SLC16A9: variants seen among roughly 807,000 people sequenced by gnomAD.
The protein encoded by SLC16A9 is solute carrier family 16 member 9.
In SLC16A9, 26 loss-of-function variants were observed where a neutral mutation model predicts 44.3. The ratio of observed to expected loss-of-function variants is 0.59; its 90% CI spans 0.43 to 0.81. The LOEUF (loss-of-function observed/expected upper bound fraction) is 0.81, where lower values mean the gene tolerates loss of function less well. Ranked by LOEUF, SLC16A9 falls within the 40% of genes least tolerant of loss-of-function variation. The pLI is 0.00. For synonymous variants in SLC16A9, 230 were observed against 225.1 expected (o/e 1.02, Z -0.19); for missense variants, 559 against 595.8 (o/e 0.94, Z 0.64).
intron 2 of SLC16A9, among the ~76,000 whole-genome samples, chr10:59,678,546 C>CTTTTCTTTTTTTTTTT (rs1554870854): frequency 6.5e-5 from 2 of 30,620 alleles, no homozygotes; most frequent in Non-Finnish European, 1.4e-4. Context: ...TTTTCTTTTT[C>CTTTTCTTTTTTTTTTT]TTTTTTTTGA....
intron 1 of SLC16A9, among the ~76,000 whole-genome samples, chr10:59,687,988 A>T (rs1840171639): frequency 1.3e-5 from 2 of 151,516 alleles, no homozygotes; most frequent in African/African-American, 4.8e-5. Flanking sequence ...AAAAGGAAAG[A>T]AAAGAAAAGA....
At chr10:59,666,744 C>T (rs948586247) in intron 3 of SLC16A9, among the ~76,000 whole-genome samples, 2 of 152,008 alleles carry the variant, frequency 1.3e-5, no homozygotes, top group African/African-American at 4.8e-5. Context: ...TTATTTGAAA[C>T]AGTGTCTGAC....
chr10:59,670,638 G>A (rs1186381843), intron 3 of SLC16A9, among the ~76,000 whole-genome samples: 2 of 152,130 alleles, frequency 1.3e-5, no homozygotes, highest in Non-Finnish European at 2.9e-5. Flanking sequence ...ATTCTGCACA[G>A]AATTGCATCT....
rs1236147126 is a variant in SLC16A9 at position 59,693,853 on chromosome 10, G to A, written c.-36-9526C>T. On this transcript the variant is annotated intron_variant, in intron 1 of 5. Transcript: ENST00000395348. ...AGGATGGTCTTGATCTCCTGACCTC[G>A]TGATCCGCCTGCCTCTGCCTCCCAA... is the stretch of plus-strand genomic sequence containing the variant. Among the ~76,000 whole-genome samples, 6 of 151,488 alleles carry A rather than the reference G, an allele frequency of 4.0e-5. No individual in the cohort carries two copies. In the South Asian group the frequency reaches 6.2e-4, roughly 16 times the overall value.
intron 1 of SLC16A9, among the ~76,000 whole-genome samples, chr10:59,703,964 C>T (rs1451880310): frequency 6.6e-6 from 1 of 152,020 alleles, no homozygotes; most frequent in Non-Finnish European, 1.5e-5. Context: ...CCTCGTGATC[C>T]GCCCGCCTCT....
At chr10:59,657,192 T>C (rs1453732079) in intron 4 of SLC16A9, among the ~76,000 whole-genome samples, 1 of 152,226 alleles carries the variant, frequency 6.6e-6, no homozygotes, top group Non-Finnish European at 1.5e-5. Context: ...GTATTATGAA[T>C]ATTCTTCTTT....
At chr10:59,678,554 T>TTTTTTTTTTTTTTTTTTTTTTTTTAA (rs71006281) in intron 2 of SLC16A9, among the ~76,000 whole-genome samples, 1 of 68,890 alleles carries the variant, frequency 1.5e-5, no homozygotes. Flanking sequence ...TTCTTTTTTT[T>TTTTTTTTTTTTTTTTTTTTTTTTTAA]GAGACGGAGT....
intron 2 of SLC16A9, among the ~76,000 whole-genome samples, chr10:59,682,330 G>T (rs1840042670): frequency 6.6e-6 from 1 of 152,126 alleles, no homozygotes; most frequent in African/African-American, 2.4e-5. Context: ...CACTAAATTT[G>T]CACTGGGGCC....
chr10:59,697,421 C>A (rs1840419552), intron 1 of SLC16A9, among the ~76,000 whole-genome samples: 1 of 151,566 alleles, frequency 6.6e-6, no homozygotes, highest in Non-Finnish European at 1.5e-5. Flanking sequence ...TCCTGTTGAT[C>A]TGTGACCTTA....
chr10:59,662,949 T>C (rs1449951133), intron 4 of SLC16A9, among the ~76,000 whole-genome samples: 2 of 152,212 alleles, frequency 1.3e-5, no homozygotes, highest in Non-Finnish European at 2.9e-5. Context: ...CCAAGGATTA[T>C]AAATCATTCT....
intron 2 of SLC16A9, among the ~76,000 whole-genome samples, chr10:59,679,848 C>T (rs1839948864): frequency 6.6e-6 from 1 of 152,208 alleles, no homozygotes; most frequent in African/African-American, 2.4e-5. Flanking sequence ...ATGGACTTCC[C>T]TCTCCCTGTC....
At chr10:59,680,753 G>GGA (rs1014231693) in intron 2 of SLC16A9, among the ~76,000 whole-genome samples, 55 of 152,076 alleles carry the variant, frequency 3.6e-4, no homozygotes, top group African/African-American at 1.3e-3. Context: ...GGCTGAGGCA[G>GGA]GAGAATCCCT....
In SLC16A9 at chr10:59,651,254, G is replaced by A. The variant is rs1000298269; in HGVS notation, c.*1518C>T. On this transcript the variant is annotated 3_prime_UTR_variant, in exon 6 of 6. Transcript: ENST00000395348. ...GTGCTTCAGGCGCCTTCGAAGAAAG[G>A]CAACATACAAGTATAAAATAATCAT... The A allele has an allele frequency of 6.6e-6, 1 of 152,254 alleles. No homozygotes were observed. Among genetic ancestry groups the A allele is most frequent in the African/African-American group, 2.4e-5 (1 of 41,558 alleles). 9.4% of individuals were successfully genotyped at this position (152,254 alleles called of 1,614,324 possible).
intron 1 of SLC16A9, among the ~76,000 whole-genome samples, chr10:59,693,050 G>C (rs147099640): frequency 1.3e-5 from 2 of 152,188 alleles, no homozygotes; most frequent in Non-Finnish European, 2.9e-5. Flanking sequence ...CATACCACAT[G>C]TAATATTCTA....
intron 2 of SLC16A9, among the ~76,000 whole-genome samples, chr10:59,674,324 A>C (rs1839814318): frequency 6.6e-6 from 1 of 152,156 alleles, no homozygotes; most frequent in South Asian, 2.1e-4. Flanking sequence ...TCTTATACAC[A>C]TATTTAAGAC....
At chr10:59,692,994 A>G (rs1171643) in intron 1 of SLC16A9, among the ~76,000 whole-genome samples, 45,837 of 152,092 alleles carry the variant, frequency 0.3, 7,630 homozygotes, top group East Asian at 0.62. Flanking sequence ...TTCATGAGAC[A>G]CATAACACAA....
chr10:59,664,989 T>A (rs1588967728), intron 3 of SLC16A9, among the ~76,000 whole-genome samples: 1 of 113,304 alleles, frequency 8.8e-6, no homozygotes, highest in African/African-American at 3.2e-5. Context: ...TTGGTGAGCA[T>A]ATGGTTGTTT....
chr10:59,659,325 C>T lies in SLC16A9; in HGVS notation c.437-4736G>A, dbSNP rs531341744. ...TACAAGGAGGTGGAGACATGATCAG[C>T]ATCAGTCTTTCTGACAGTGGCCTTA... On this transcript the variant is annotated intron_variant, in intron 4 of 5. Coordinates refer to ENST00000395348, the MANE Select transcript of SLC16A9 (RefSeq NM_194298.3). Among the ~76,000 whole-genome samples the T allele has an allele frequency of 5.3e-5, 8 of 152,182 alleles. No homozygotes were observed. In the East Asian group the frequency reaches 1.5e-3, roughly 29 times the overall value.
chr10:59,672,858 G>T lies in SLC16A9; in HGVS notation c.252C>A (p.Phe84Leu). ...SSFGARPVTI[F>L]SGFMVAGGLM... ...GGCCTCCAGCCACCATGAAGCCACT[G>T]AAGATTGTGACAGGTCTTGCTCCAA... The change falls in exon 3 of 6, where the codon TTC (phenylalanine) becomes TTA (leucine). Residue 84 changes from phenylalanine to leucine, a missense_variant. By Grantham distance (22) the Phe-to-Leu change is conservative. Transcript: ENST00000395348. 3.1e-6 allele frequency: 5 copies of T among 1,613,778 alleles called. No individual in the cohort carries two copies. Among genetic ancestry groups the T allele is most frequent in the Non-Finnish European group, 4.2e-6 (5 of 1,179,838 alleles).
Sources: gnomAD v4.1 joint callset for allele counts (sites outside exome capture counted in the v4.1 genomes callset) on GRCh38, gnomAD v4.1.1 for gene constraint, MANE v1.5 for transcripts, NCBI Gene and HGNC (gene_info 2026-07-23, HGNC 2026-07-21) for gene names.